PACS1: variants seen among roughly 807,000 people sequenced by gnomAD.
The protein encoded by PACS1 is phosphofurin acidic cluster sorting protein 1.
Under a neutral mutation model 115.0 loss-of-function variants are expected in PACS1, and 24 were observed. The ratio of observed to expected loss-of-function variants is 0.21; its 90% CI spans 0.15 to 0.29. PACS1 has a LOEUF of 0.29. Ranked by LOEUF, PACS1 falls within the 10% of genes least tolerant of loss-of-function variation. PACS1 has a pLI of 1.00. For missense variants in PACS1, 838 were observed against 1,251.2 expected (o/e 0.67, Z 4.98); for synonymous variants, 453 against 504.5 (o/e 0.90, Z 1.37).
intron 1 of PACS1, among the ~76,000 whole-genome samples, chr11:66,138,686 CTTTT>C (rs34344453): frequency 6.9e-6 from 1 of 144,156 alleles, no homozygotes; most frequent in African/African-American, 2.5e-5. Context: ...GCTGTCTGCA[CTTTT>C]TTTTTTTTTC....
chr11:66,090,399 A>AGTAGCTG (rs1443880152), intron 1 of PACS1, among the ~76,000 whole-genome samples: 28 of 151,330 alleles, frequency 1.9e-4, no homozygotes, highest in African/African-American at 6.8e-4. Context: ...CAGCCTCGGA[A>AGTAGCTG]GTAGCTGGGA....
chr11:66,231,766 A>G (rs1855600001), intron 13 of PACS1: 1 of 214,682 alleles, frequency 4.7e-6, no homozygotes, highest in Non-Finnish European at 9.5e-6. Flanking sequence ...TGCCACTCTC[A>G]TTATTTCTCT....
In PACS1 at chr11:66,103,281, TG is replaced by T. The variant is rs1374433851; in HGVS notation, c.356+32443del. Among the ~76,000 whole-genome samples, 6 of 152,216 alleles carry T rather than the reference TG, an allele frequency of 3.9e-5. No homozygotes were observed. In the East Asian group the frequency reaches 5.8e-4, roughly 15 times the overall value. On this transcript the variant is annotated intron_variant, in intron 1 of 23. Coordinates refer to ENST00000320580, the MANE Select transcript of PACS1 (RefSeq NM_018026.4). The stretch of plus-strand genomic sequence containing the variant: ...GTCTTTTTTCAGATAAGTTCAACAG[TG>T]GGGTGTCAATTATATGTAAAGTACA...
intron 8 of PACS1, 35 bp downstream of exon 8, chr11:66,219,840 A>G (rs1363614389): frequency 6.8e-7 from 1 of 1,479,146 alleles, no homozygotes; most frequent in South Asian, 1.1e-5. Context: ...AATGGTGAGT[A>G]GAATTCCCCG....
At chr11:66,237,567 C>A (rs907305180) in intron 19 of PACS1, among the ~76,000 whole-genome samples, 1 of 152,188 alleles carries the variant, frequency 6.6e-6, no homozygotes, top group African/African-American at 2.4e-5. Flanking sequence ...TCCTGTCCTG[C>A]AGTCTAGCCA....
rs146900599 is a variant in PACS1 at position 66,216,210 on chromosome 11, A to C, written c.752A>C (p.Tyr251Ser). ...VSVPVAEIKI[Y>S]SLSSQPIDHE... ...GTGCCTGTGGCAGAAATAAAGATCTACTCCCTGTCCAGCCAACCCATTGAC... is the reference window on the plus strand; with the variant it reads ...GTGCCTGTGGCAGAAATAAAGATCTCCTCCCTGTCCAGCCAACCCATTGAC... The change falls in exon 5 of 24, where the codon TAC becomes TCC. Residue 251 changes from tyrosine (Y) to serine (S), a missense_variant. Coordinates refer to ENST00000320580, the MANE Select transcript of PACS1 (RefSeq NM_018026.4). 5.6e-6 allele frequency: 9 copies of C among 1,613,504 alleles called. No homozygotes were observed. The highest frequency in any genetic ancestry group is 2.7e-5 in the African/African-American group (2 of 74,708).
At chr11:66,217,792 G>T (rs1352740648) in intron 7 of PACS1, 4 of 336,348 alleles carry the variant, frequency 1.2e-5, no homozygotes, top group Non-Finnish European at 2.4e-5. Context: ...GAAATAGGGA[G>T]TGGCTGTAGG....
intron 1 of PACS1, among the ~76,000 whole-genome samples, chr11:66,185,201 A>G (rs1444598681): frequency 6.6e-6 from 1 of 152,248 alleles, no homozygotes; most frequent in African/African-American, 2.4e-5. Flanking sequence ...TTATTGTTTT[A>G]TTAATGATGG....
chr11:66,108,453 C>T (rs1240713540), intron 1 of PACS1, among the ~76,000 whole-genome samples: 1 of 152,108 alleles, frequency 6.6e-6, no homozygotes, highest in Non-Finnish European at 1.5e-5. Context: ...CCAGGTATGG[C>T]AGCCCACACC....
chr11:66,147,039 C>T (rs376997005), intron 1 of PACS1, among the ~76,000 whole-genome samples: 230 of 152,196 alleles, frequency 1.5e-3, no homozygotes, highest in African/African-American at 5.1e-3. Flanking sequence ...CCAGCTTGGG[C>T]GACCAAGTAA....
intron 1 of PACS1, among the ~76,000 whole-genome samples, chr11:66,148,145 T>G (rs565402404): frequency 2.0e-5 from 3 of 152,270 alleles, no homozygotes; most frequent in East Asian, 1.9e-4. Context: ...ATGTACTTTT[T>G]AAAAATTAAT....
intron 1 of PACS1, among the ~76,000 whole-genome samples, chr11:66,171,871 G>T (rs1163027527): frequency 1.3e-5 from 2 of 151,932 alleles, no homozygotes; most frequent in Non-Finnish European, 2.9e-5. Flanking sequence ...GAGCCACCGC[G>T]CCCGGCCTCA....
intron 4 of PACS1, among the ~76,000 whole-genome samples, chr11:66,213,476 A>G (rs1164891186): frequency 6.6e-6 from 1 of 152,210 alleles, no homozygotes; most frequent in Non-Finnish European, 1.5e-5. Context: ...TCAGTAGAGG[A>G]TGGTGTTCAG....
At chr11:66,101,779 A>G (rs575020765) in intron 1 of PACS1, among the ~76,000 whole-genome samples, 1 of 152,290 alleles carries the variant, frequency 6.6e-6, no homozygotes, top group East Asian at 1.9e-4. Context: ...GTCCAAGGAT[A>G]GGACTGGAGT....
At chr11:66,214,741 C>CTATT (rs1855159913) in intron 4 of PACS1, among the ~76,000 whole-genome samples, 3 of 151,522 alleles carry the variant, frequency 2.0e-5, no homozygotes, top group African/African-American at 7.3e-5. Context: ...CCCACCTCAG[C>CTATT]CTCCTGAGTA....
At chr11:66,221,035 C>T (rs557102126) in intron 9 of PACS1, 119 bp from the exon 10 acceptor site, 21 of 1,003,686 alleles carry the variant, frequency 2.1e-5, no homozygotes, top group East Asian at 1.9e-4. Flanking sequence ...CCCTGCTCAC[C>T]GGGCGTTCTG....
chr11:66,230,442 G>A (rs1357525695), intron 11 of PACS1, 106 bp from the exon 12 acceptor site: 2 of 752,596 alleles, frequency 2.7e-6, no homozygotes, highest in South Asian at 1.7e-5. Flanking sequence ...AAGAAAATGA[G>A]TAACTCTCTC....
chr11:66,217,441 C>A, intron 7 of PACS1: 1 of 415,248 alleles, frequency 2.4e-6, no homozygotes, highest in South Asian at 1.7e-5. Context: ...GCCAGAAGTG[C>A]TGGGAGCATT....
intron 1 of PACS1, among the ~76,000 whole-genome samples, chr11:66,160,663 ATTTTT>A (rs58145434): frequency 2.6e-5 from 3 of 116,220 alleles, no homozygotes; most frequent in Non-Finnish European, 1.7e-5. Flanking sequence ...TGCCTGGCTG[ATTTTT>A]TTTTTTTTTT....
Sources: allele counts gnomAD v4.1 joint callset (sites outside exome capture counted in the v4.1 genomes callset), GRCh38; gene constraint gnomAD v4.1.1; transcripts MANE v1.5; gene names NCBI Gene and HGNC (gene_info 2026-07-23, HGNC 2026-07-21).